Variants in CECR2 observed in about 807,000 individuals in gnomAD.
CECR2 encodes CECR2 histone acetyl-lysine reader.
In CECR2, 30 loss-of-function variants were observed where a neutral mutation model predicts 154.5. The observed-to-expected ratio is 0.19, with a 90% CI of 0.15 to 0.26. The LOEUF (loss-of-function observed/expected upper bound fraction) is 0.26. Ranked by LOEUF, CECR2 falls within the 10% of genes least tolerant of loss-of-function variation. CECR2 has a pLI of 1.00. For synonymous variants in CECR2, 725 were observed against 683.7 expected, an observed-to-expected ratio of 1.06 and a Z score of -0.94; for missense variants, 1,743 against 1,829.3, an observed-to-expected ratio of 0.95 and a Z score of 0.86.
rs142217844 is a variant in CECR2, at chr22:17,401,414, G to A, written c.126+31505G>A. On this transcript the variant is annotated intron_variant, in intron 1 of 18. Transcript: ENST00000262608. ...TTACCACGTCAAGACGAACATGTCC[G>A]CCAACGCCACGCGAGGGTGTGATAT... Among the ~76,000 whole-genome samples the A allele has an allele frequency of 1.8e-3, 275 of 152,172 alleles. 2 individuals carry two copies. Among genetic ancestry groups the A allele is most frequent in the Middle Eastern group, 6.8e-3 (2 of 294 alleles).
At chr22:17,446,901 G>A (rs2054675209) in intron 1 of CECR2, among the ~76,000 whole-genome samples, 1 of 150,592 alleles carries the variant, frequency 6.6e-6, no homozygotes, top group Non-Finnish European at 1.5e-5. Context: ...ATTTTACAGA[G>A]CGCTGATTGG....
At chr22:17,404,425 G>A (rs2053949239) in intron 1 of CECR2, among the ~76,000 whole-genome samples, 2 of 100,772 alleles carry the variant, frequency 2.0e-5, no homozygotes, top group African/African-American at 4.0e-5. Context: ...CCAGGCTGGA[G>A]TGCAGTGGCG....
intron 1 of CECR2, among the ~76,000 whole-genome samples, chr22:17,379,704 G>A (rs1256279539): frequency 1.3e-5 from 2 of 151,638 alleles, no homozygotes; most frequent in African/African-American, 4.8e-5. Context: ...TGAGCTTGAA[G>A]CTGCTCTAAA....
chr22:17,457,881 T>C (rs2054878453), intron 1 of CECR2, among the ~76,000 whole-genome samples: 1 of 152,240 alleles, frequency 6.6e-6, no homozygotes, highest in Non-Finnish European at 1.5e-5. Flanking sequence ...GAAATTGTGC[T>C]GAGTGAAAGA....
chr22:17,515,063 A>G (rs937206719), intron 8 of CECR2, among the ~76,000 whole-genome samples: 3 of 152,010 alleles, frequency 2.0e-5, no homozygotes, highest in Non-Finnish European at 4.4e-5. Flanking sequence ...TGTTCACAAC[A>G]TAGATTTTTT....
intron 1 of CECR2, among the ~76,000 whole-genome samples, chr22:17,403,120 T>G (rs2053922467): frequency 6.6e-6 from 1 of 152,220 alleles, no homozygotes; most frequent in Non-Finnish European, 1.5e-5. Flanking sequence ...TCTCCTTAAG[T>G]CTGTTGTCAT....
intron 9 of CECR2, among the ~76,000 whole-genome samples, chr22:17,536,565 G>A (rs1045223223): frequency 1.3e-5 from 2 of 152,210 alleles, no homozygotes; most frequent in African/African-American, 4.8e-5. Context: ...TGCCTGATCT[G>A]GGGGTGGGGT....
intron 1 of CECR2, among the ~76,000 whole-genome samples, chr22:17,447,881 T>TTTTG: frequency 6.6e-6 from 1 of 151,816 alleles, no homozygotes; most frequent in South Asian, 2.1e-4. Context: ...AGTGTTTTTT[T>TTTTG]TTTGTTTGTT....
chr22:17,508,142 G>C (rs183901783), intron 7 of CECR2, among the ~76,000 whole-genome samples: 78 of 152,254 alleles, frequency 5.1e-4, no homozygotes, highest in African/African-American at 1.8e-3. Context: ...TTATACCACT[G>C]TGGTCCCATA....
chr22:17,436,445 C>T (rs762002604), intron 1 of CECR2, among the ~76,000 whole-genome samples: 4 of 152,238 alleles, frequency 2.6e-5, no homozygotes, highest in African/African-American at 4.8e-5. Flanking sequence ...ACTTGGGTTG[C>T]TTGTTCCCAC....
chr22:17,530,167 A>AT (rs2056331145), intron 9 of CECR2, among the ~76,000 whole-genome samples: 1 of 143,708 alleles, frequency 7.0e-6, no homozygotes, highest in Non-Finnish European at 1.6e-5. Context: ...GAGTTCCCTG[A>AT]ATTTTTTTTT....
chr22:17,448,370 AAAT>A (rs1291239050), intron 1 of CECR2, among the ~76,000 whole-genome samples: 1 of 152,222 alleles, frequency 6.6e-6, no homozygotes, highest in African/African-American at 2.4e-5. Context: ...AAGTTTTTGT[AAAT>A]ATAATTAATA....
At chr22:17,517,688 T>A (rs1601500036) in intron 8 of CECR2, among the ~76,000 whole-genome samples, 1 of 152,354 alleles carries the variant, frequency 6.6e-6, no homozygotes, top group East Asian at 1.9e-4. Context: ...CTAGCATTGC[T>A]TTTCAGCCTA....
intron 1 of CECR2, among the ~76,000 whole-genome samples, chr22:17,466,787 G>T (rs2055040227): frequency 6.6e-6 from 1 of 152,080 alleles, no homozygotes; most frequent in Admixed American, 6.5e-5. Flanking sequence ...TAGAGACAGG[G>T]TTTCACATGT....
chr22:17,450,331 C>T (rs1215823256), intron 1 of CECR2, among the ~76,000 whole-genome samples: 2 of 152,148 alleles, frequency 1.3e-5, no homozygotes, highest in African/African-American at 2.4e-5. Flanking sequence ...AGTGCAGTGG[C>T]GCAACATCGG....
chr22:17,503,637 A>T (rs1379038004), intron 6 of CECR2, among the ~76,000 whole-genome samples: 1 of 152,238 alleles, frequency 6.6e-6, no homozygotes, highest in Non-Finnish European at 1.5e-5. Flanking sequence ...GACTGTGAAT[A>T]TCTATCTTGT....
intron 3 of CECR2, 146 bp downstream of exon 3, chr22:17,497,732 G>A: frequency 1.4e-6 from 1 of 719,246 alleles, no homozygotes; most frequent in South Asian, 1.8e-5. Context: ...AACACTGTAT[G>A]GAAAACCATG....
chr22:17,517,551 A>G (rs1256013602), intron 8 of CECR2, among the ~76,000 whole-genome samples: 2 of 152,264 alleles, frequency 1.3e-5, no homozygotes, highest in Non-Finnish European at 2.9e-5. Flanking sequence ...CACTTAATAC[A>G]AATAACTATA....
At chr22:17,498,443 C>T (rs779659133) in intron 3 of CECR2, among the ~76,000 whole-genome samples, 27 of 151,844 alleles carry the variant, frequency 1.8e-4, no homozygotes, top group Non-Finnish European at 3.4e-4. Flanking sequence ...ATTGCTTTCA[C>T]TCATAGGGAA....
Sources: allele counts gnomAD v4.1 joint callset (sites outside exome capture counted in the v4.1 genomes callset), GRCh38; gene constraint gnomAD v4.1.1; transcripts MANE v1.5; gene names NCBI Gene and HGNC (gene_info 2026-07-23, HGNC 2026-07-21).